The following FMN1 variants were observed in gnomAD, a reference collection of about 807,000 sequenced individuals.
FMN1 encodes formin 1.
FMN1 carries 110 observed loss-of-function variants against 132.4 expected under a neutral mutation model. The observed-to-expected ratio is 0.83, with a 90% CI of 0.71 to 0.97. The LOEUF (loss-of-function observed/expected upper bound fraction) is 0.97. FMN1 is among the 50% of genes least tolerant of loss of function. The probability of loss-of-function intolerance (pLI) is 0.00; values close to 1 mark genes in which losing one functional copy is unlikely to be tolerated. For missense variants in FMN1, 1,792 were observed against 1,705.3 expected, an observed-to-expected ratio of 1.05 and a Z score of -0.90; for synonymous variants, 722 against 651.7, an observed-to-expected ratio of 1.11 and a Z score of -1.64.
intron 16 of FMN1, among the ~76,000 whole-genome samples, chr15:32,882,103 G>A (rs145608791): frequency 6.6e-6 from 1 of 152,190 alleles, no homozygotes; most frequent in Non-Finnish European, 1.5e-5. Flanking sequence ...TTGAGTGGTT[G>A]TATGTAGAGA....
chr15:32,943,368 T>C (rs895952439), intron 9 of FMN1, among the ~76,000 whole-genome samples: 6 of 152,218 alleles, frequency 3.9e-5, no homozygotes, highest in Non-Finnish European at 8.8e-5. Context: ...CAAACTAGTG[T>C]TATCTCTTGC....
intron 5 of FMN1, 120 bp from the exon 6 acceptor site, chr15:33,065,194 A>G: frequency 1.7e-6 from 1 of 583,744 alleles, no homozygotes; most frequent in Admixed American, 3.4e-5. Flanking sequence ...CATTGCTCTC[A>G]TTCACTATAA....
intron 5 of FMN1, among the ~76,000 whole-genome samples, chr15:33,065,599 G>C (rs1223140283): frequency 6.6e-6 from 1 of 152,136 alleles, no homozygotes; most frequent in Non-Finnish European, 1.5e-5. Context: ...TTTTATATGT[G>C]TTGATTTTTA....
At chr15:33,125,619 C>G (rs1566938217) in intron 4 of FMN1, among the ~76,000 whole-genome samples, 1 of 151,896 alleles carries the variant, frequency 6.6e-6, no homozygotes. Context: ...GCGGGCAGAT[C>G]ACTTGAGGTC....
At chr15:32,774,641 C>T (rs1280211868) in intron 20 of FMN1, among the ~76,000 whole-genome samples, 5 of 152,144 alleles carry the variant, frequency 3.3e-5, no homozygotes, top group Non-Finnish European at 7.4e-5. Flanking sequence ...TTTCTGTTCT[C>T]TTCTTTTGTG....
chr15:33,035,553 C>T (rs1226779432), intron 6 of FMN1, among the ~76,000 whole-genome samples: 2 of 152,120 alleles, frequency 1.3e-5, no homozygotes, highest in Admixed American at 1.3e-4. Context: ...ACTGGCTGTT[C>T]CCTTTTCCTA....
chr15:32,940,391 TTGTGTGTGTGTGTGTGTG>T (rs67121672), intron 9 of FMN1, among the ~76,000 whole-genome samples: 5 of 145,420 alleles, frequency 3.4e-5, no homozygotes, highest in South Asian at 4.5e-4. Flanking sequence ...AAAATAAAAA[TTGTGTGTGTGTGTGTGTG>T]TGTGTGTGTG....
chr15:33,182,798 T>G (rs1965748405), intron 2 of FMN1, among the ~76,000 whole-genome samples: 1 of 152,086 alleles, frequency 6.6e-6, no homozygotes, highest in African/African-American at 2.4e-5. Flanking sequence ...GGAAAAAAAT[T>G]TATTCCTTTT....
chr15:32,894,227 G>T (rs529244907), intron 15 of FMN1, among the ~76,000 whole-genome samples: 1 of 152,194 alleles, frequency 6.6e-6, no homozygotes, highest in Non-Finnish European at 1.5e-5. Flanking sequence ...GCTCATGCCT[G>T]TAATCTCAGC....
chr15:32,938,250 G>A (rs2061324693), intron 9 of FMN1, among the ~76,000 whole-genome samples: 1 of 152,060 alleles, frequency 6.6e-6, no homozygotes, highest in South Asian at 2.1e-4. Context: ...ATTTTGGCCA[G>A]GCAAGCTGTG....
chr15:33,134,756 C>A (rs548870019), intron 4 of FMN1, among the ~76,000 whole-genome samples: 3 of 152,344 alleles, frequency 2.0e-5, no homozygotes, highest in Non-Finnish European at 2.9e-5. Flanking sequence ...AATCCCAGCA[C>A]TTTGGGAGGC....
intron 5 of FMN1, 30 bp downstream of exon 5, chr15:33,088,769 C>A: frequency 6.6e-7 from 1 of 1,521,138 alleles, no homozygotes; most frequent in Non-Finnish European, 8.8e-7. Context: ...CACAAAGAAC[C>A]ACAGCACAAT....
At chr15:33,118,550 T>C (rs2040015196) in intron 4 of FMN1, among the ~76,000 whole-genome samples, 1 of 151,956 alleles carries the variant, frequency 6.6e-6, no homozygotes, top group African/African-American at 2.4e-5. Context: ...AGTATAAACT[T>C]GTTGATAAGA....
chr15:33,149,243 C>T (rs1964350865), intron 4 of FMN1, among the ~76,000 whole-genome samples: 1 of 152,084 alleles, frequency 6.6e-6, no homozygotes, highest in African/African-American at 2.4e-5. Context: ...CCATGATATT[C>T]GAACCTGTAC....
At chr15:32,844,475 G>C (rs112075316) in intron 17 of FMN1, among the ~76,000 whole-genome samples, 1,869 of 152,194 alleles carry the variant, frequency 0.012, 31 homozygotes, top group African/African-American at 0.042. Flanking sequence ...TATTTTAATT[G>C]TGAAAAATAT....
At chr15:33,138,068 A>T (rs1055882446) in intron 4 of FMN1, among the ~76,000 whole-genome samples, 1 of 152,246 alleles carries the variant, frequency 6.6e-6, no homozygotes, top group African/African-American at 2.4e-5. Context: ...TATCTGGTAC[A>T]CAAGAATAAA....
At chr15:33,182,335 T>A (rs1379082965) in intron 2 of FMN1, among the ~76,000 whole-genome samples, 1 of 152,170 alleles carries the variant, frequency 6.6e-6, no homozygotes, top group Non-Finnish European at 1.5e-5. Context: ...GAAAAAAATG[T>A]TTGAGAAACA....
At chr15:33,026,681 C>T (rs887508043) in intron 6 of FMN1, among the ~76,000 whole-genome samples, 46 of 152,052 alleles carry the variant, frequency 3.0e-4, no homozygotes, top group Non-Finnish European at 4.4e-4. Flanking sequence ...ACTGACAGAG[C>T]CTTTTATTTA....
At chr15:33,094,580 G>A (rs2039011710) in intron 4 of FMN1, among the ~76,000 whole-genome samples, 1 of 152,192 alleles carries the variant, frequency 6.6e-6, no homozygotes. Context: ...GGAAACAACA[G>A]CTCCTCAGGG....
Sources: allele counts gnomAD v4.1 joint callset (sites outside exome capture counted in the v4.1 genomes callset), GRCh38; gene constraint gnomAD v4.1.1; transcripts MANE v1.5; gene names NCBI Gene and HGNC (gene_info 2026-07-23, HGNC 2026-07-21).